The following VWA8 variants were observed in gnomAD, a reference collection of about 807,000 sequenced individuals.
The protein encoded by VWA8 is von Willebrand factor A domain containing 8, also known as von Willebrand factor A domain-containing protein 8.
A neutral mutation model predicts 241.5 loss-of-function variants in VWA8; 221 were observed. That is an observed-to-expected ratio of 0.91 (90% CI 0.82 to 1.02). The LOEUF (loss-of-function observed/expected upper bound fraction) is 1.02, where lower values mean the gene tolerates loss of function less well. Among genes scored for constraint, VWA8 ranks in the 50% least tolerant of loss-of-function variants. The probability of loss-of-function intolerance (pLI) is 0.00; values close to 1 mark genes in which losing one functional copy is unlikely to be tolerated. For synonymous variants in VWA8, 852 were observed against 827.1 expected, an observed-to-expected ratio of 1.03 and a Z score of -0.52; for missense variants, 2,322 against 2,328.7, an observed-to-expected ratio of 1.00 and a Z score of 0.06.
At chr13:41,580,109 C>T (rs1417098275) in intron 42 of VWA8, among the ~76,000 whole-genome samples, 4 of 151,950 alleles carry the variant, frequency 2.6e-5, no homozygotes, top group African/African-American at 9.7e-5. Context: ...CCCGCCCTGG[C>T]CTCCCAAAGT....
chr13:41,781,779 C>T (rs1182980502), intron 19 of VWA8, among the ~76,000 whole-genome samples: 1 of 152,114 alleles, frequency 6.6e-6, no homozygotes, highest in Non-Finnish European at 1.5e-5. Flanking sequence ...TTTATTAATC[C>T]ACTAAACACA....
chr13:41,741,916 A>G (rs1288382280), intron 21 of VWA8, among the ~76,000 whole-genome samples: 1 of 152,242 alleles, frequency 6.6e-6, no homozygotes, highest in Non-Finnish European at 1.5e-5. Flanking sequence ...AGAGAAGGCA[A>G]TTAATCCTGA....
At chr13:41,843,689 C>T (rs559451436) in intron 12 of VWA8, among the ~76,000 whole-genome samples, 1 of 151,718 alleles carries the variant, frequency 6.6e-6, no homozygotes, top group South Asian at 2.1e-4. Context: ...TACAGATCAT[C>T]AATCAATGCC....
intron 5 of VWA8, among the ~76,000 whole-genome samples, chr13:41,890,387 G>C (rs1874777268): frequency 6.6e-6 from 1 of 152,214 alleles, no homozygotes; most frequent in South Asian, 2.1e-4. Flanking sequence ...AGGCAGAGCA[G>C]TCAGTCACAG....
intron 17 of VWA8, among the ~76,000 whole-genome samples, chr13:41,791,314 T>A (rs995715774): frequency 1.3e-5 from 2 of 151,868 alleles, no homozygotes; most frequent in African/African-American, 4.8e-5. Context: ...GATTACAAAA[T>A]AAGAATTTTT....
At chr13:41,686,250 T>C (rs949717173) in intron 34 of VWA8, among the ~76,000 whole-genome samples, 5 of 152,190 alleles carry the variant, frequency 3.3e-5, no homozygotes, top group Non-Finnish European at 7.4e-5. Flanking sequence ...TACTTCTGTC[T>C]GGTCCTTCTT....
chr13:41,840,146 G>T (rs919965587), intron 12 of VWA8, among the ~76,000 whole-genome samples: 1 of 152,146 alleles, frequency 6.6e-6, no homozygotes. Context: ...GTGAATGGGA[G>T]TTCACTCATG....
chr13:41,737,222 G>T (rs1182720383), intron 21 of VWA8, among the ~76,000 whole-genome samples: 1 of 152,178 alleles, frequency 6.6e-6, no homozygotes, highest in African/African-American at 2.4e-5. Context: ...TTGACTGAGA[G>T]AAGTAAATGC....
At chr13:41,774,987 A>T (rs1235938949) in intron 20 of VWA8, among the ~76,000 whole-genome samples, 5 of 152,234 alleles carry the variant, frequency 3.3e-5, no homozygotes, top group African/African-American at 9.6e-5. Context: ...GGCAAAGGTA[A>T]GAGAAAGAAG....
intron 43 of VWA8, among the ~76,000 whole-genome samples, chr13:41,575,370 C>T (rs1270030495): frequency 1.3e-4 from 19 of 150,842 alleles, no homozygotes; most frequent in Non-Finnish European, 2.8e-4. Context: ...AGAACTCATC[C>T]ATATAACCAA....
At chr13:41,647,051 A>G (rs1240010279) in intron 37 of VWA8, among the ~76,000 whole-genome samples, 1 of 152,242 alleles carries the variant, frequency 6.6e-6, no homozygotes, top group South Asian at 2.1e-4. Context: ...AGAATACTTA[A>G]CAGTGATGGG....
At chr13:41,858,477 G>A (rs1393403243) in intron 12 of VWA8, among the ~76,000 whole-genome samples, 7 of 151,954 alleles carry the variant, frequency 4.6e-5, no homozygotes, top group African/African-American at 1.7e-4. Flanking sequence ...GTGGTGGTGT[G>A]GGCCTATAAT....
chr13:41,708,080 G>A (rs769917404), intron 26 of VWA8, among the ~76,000 whole-genome samples: 4 of 152,066 alleles, frequency 2.6e-5, no homozygotes, highest in Non-Finnish European at 4.4e-5. Context: ...ACATGGGGCC[G>A]GGTGCAGTGG....
chr13:41,825,562 C>G (rs73183400), intron 14 of VWA8, among the ~76,000 whole-genome samples: 3 of 152,052 alleles, frequency 2.0e-5, no homozygotes, highest in Non-Finnish European at 4.4e-5. Flanking sequence ...AGTGATACCC[C>G]CCGAGCATCG....
At chr13:41,569,645 A>ATTT (rs769186344) in intron 44 of VWA8, among the ~76,000 whole-genome samples, 17 of 140,100 alleles carry the variant, frequency 1.2e-4, no homozygotes, top group African/African-American at 3.9e-4. Context: ...TTAGGCAGGG[A>ATTT]TTTTTTTTTT....
chr13:41,701,058 A>G (rs2045245978), intron 28 of VWA8, among the ~76,000 whole-genome samples: 1 of 152,212 alleles, frequency 6.6e-6, no homozygotes, highest in Non-Finnish European at 1.5e-5. Context: ...TGTAATCACC[A>G]AACTGGAATC....
chr13:41,811,106 G>C (rs1297198627), intron 17 of VWA8, 119 bp downstream of exon 17: 1 of 776,694 alleles, frequency 1.3e-6, no homozygotes, highest in Non-Finnish European at 2.0e-6. Flanking sequence ...GGCTGAAATA[G>C]CTCTACATTC....
intron 12 of VWA8, among the ~76,000 whole-genome samples, chr13:41,837,480 A>G (rs1172696715): frequency 4.1e-5 from 2 of 48,854 alleles, no homozygotes; most frequent in Non-Finnish European, 1.1e-4. Flanking sequence ...AATTAATAAA[A>G]CTTTTCAGCA....
intron 21 of VWA8, 102 bp downstream of exon 21, chr13:41,761,026 G>T (rs1472852007): frequency 9.5e-6 from 11 of 1,161,372 alleles, no homozygotes; most frequent in Non-Finnish European, 1.4e-5. Flanking sequence ...AATAAAACTG[G>T]TTTATAAAAT....
Sources: gnomAD v4.1 joint callset for allele counts (sites outside exome capture counted in the v4.1 genomes callset) on GRCh38, gnomAD v4.1.1 for gene constraint, MANE v1.5 for transcripts, NCBI Gene and HGNC (gene_info 2026-07-23, HGNC 2026-07-21) for gene names.